Variants in NRXN3 observed in about 807,000 individuals in gnomAD.
NRXN3 encodes the protein neurexin 3, also known as neurexin III.
NRXN3 carries 32 observed loss-of-function variants against 137.6 expected under a neutral mutation model. That is an observed-to-expected ratio of 0.23 (90% CI 0.18 to 0.31). The LOEUF (loss-of-function observed/expected upper bound fraction) is 0.31, where lower values mean the gene tolerates loss of function less well. Among genes scored for constraint, NRXN3 ranks in the 10% least tolerant of loss-of-function variants. The pLI is 1.00. For missense variants in NRXN3, 1,574 were observed against 2,062.5 expected (o/e 0.76, Z 4.59); for synonymous variants, 798 against 784.5 (o/e 1.02, Z -0.29).
chr14:79,611,704 T>C (rs1244036673), intron 16 of NRXN3: 3 of 152,230 alleles, frequency 2.0e-5, no homozygotes, highest in African/African-American at 7.2e-5. Context: ...CATGAATAAA[T>C]TCCTTATCTT....
At chr14:78,476,957 T>C (rs1447541292) in intron 4 of NRXN3, among the ~76,000 whole-genome samples, 1 of 152,208 alleles carries the variant, frequency 6.6e-6, no homozygotes, top group Non-Finnish European at 1.5e-5. Context: ...CTAGTTTCCA[T>C]GCAATCTGAG....
intron 19 of NRXN3, among the ~76,000 whole-genome samples, chr14:79,787,115 C>A (rs183092835): frequency 1.3e-3 from 198 of 152,282 alleles, no homozygotes; most frequent in Middle Eastern, 3.4e-3. Flanking sequence ...TATAGTCCTG[C>A]AAATAAGAAA....
Position 79,462,594 on chromosome 14 carries a change from CACTT to C in NRXN3, c.3263-4625_3263-4622del, listed in dbSNP as rs934877821. Among the ~76,000 whole-genome samples the C allele has an allele frequency of 1.6e-4, 24 of 150,460 alleles. 1 individual carries two copies. The highest frequency in any genetic ancestry group is 6.3e-4 in the South Asian group (3 of 4,796). On this transcript the variant is annotated intron_variant, in intron 15 of 20. Transcript: ENST00000335750. ...TCTCTTAAAGAAACGATAGATCACT[CACTT>C]AATTAGCTATATATATATATACACA...
chr14:78,325,735 A>T (rs1036897399), intron 4 of NRXN3, among the ~76,000 whole-genome samples: 6 of 151,984 alleles, frequency 3.9e-5, no homozygotes, highest in African/African-American at 1.4e-4. Context: ...GCTGACCTTG[A>T]ATGAGTTGTT....
intron 4 of NRXN3, among the ~76,000 whole-genome samples, chr14:78,566,612 A>G (rs902699172): frequency 9.2e-5 from 14 of 152,170 alleles, no homozygotes; most frequent in African/African-American, 3.4e-4. Context: ...AAGGTGAAGG[A>G]GCAGCGAGCT....
intron 15 of NRXN3, among the ~76,000 whole-genome samples, chr14:79,099,300 C>G (rs2050866360): frequency 6.6e-6 from 1 of 152,044 alleles, no homozygotes; most frequent in South Asian, 2.1e-4. Context: ...CCCTAATTCT[C>G]TCACTGCACA....
intron 1 of NRXN3, among the ~76,000 whole-genome samples, chr14:78,232,579 C>T (rs1463084929): frequency 6.6e-6 from 1 of 152,168 alleles, no homozygotes; most frequent in Admixed American, 6.5e-5. Flanking sequence ...TCTCCCCTTA[C>T]CCGCTTTGTG....
chr14:78,948,090 C>T (rs1183015558), intron 10 of NRXN3, among the ~76,000 whole-genome samples: 1 of 152,122 alleles, frequency 6.6e-6, no homozygotes, highest in Non-Finnish European at 1.5e-5. Flanking sequence ...AGAGCAAAGC[C>T]TGAGACAAAG....
At chr14:78,455,843 GGGCCCAA>G (rs2094684894) in intron 4 of NRXN3, among the ~76,000 whole-genome samples, 1 of 152,110 alleles carries the variant, frequency 6.6e-6, no homozygotes, top group African/African-American at 2.4e-5. Context: ...TAGCTCCTCA[GGGCCCAA>G]GGACATCTCA....
chr14:78,281,452 T>C (rs1307212733), intron 3 of NRXN3, among the ~76,000 whole-genome samples: 2 of 152,172 alleles, frequency 1.3e-5, no homozygotes, highest in African/African-American at 4.8e-5. Context: ...GTAACCCTAC[T>C]GTAAAGCAGT....
intron 10 of NRXN3, among the ~76,000 whole-genome samples, chr14:78,944,073 G>C (rs766295048): frequency 6.6e-5 from 10 of 152,026 alleles, no homozygotes; most frequent in African/African-American, 2.2e-4. Context: ...ATAGAGATTG[G>C]CCAAATCTCT....
At chr14:78,262,700 T>G (rs773347397) in intron 2 of NRXN3, among the ~76,000 whole-genome samples, 1 of 152,186 alleles carries the variant, frequency 6.6e-6, no homozygotes, top group Non-Finnish European at 1.5e-5. Flanking sequence ...TTGATAGATC[T>G]CTGCTCTTCA....
chr14:78,824,180 G>A (rs144380003), intron 10 of NRXN3, among the ~76,000 whole-genome samples: 2,930 of 141,300 alleles, frequency 0.021, 47 homozygotes, highest in Middle Eastern at 0.064. Flanking sequence ...AGGTGAATAA[G>A]GAAGGGGTAT....
intron 15 of NRXN3, chr14:79,201,031 C>G (rs1172050587): frequency 6.6e-6 from 1 of 151,834 alleles, no homozygotes; most frequent in Non-Finnish European, 1.5e-5. Flanking sequence ...CATTTCTTCC[C>G]AGGACAATGG....
Position 78,902,256 on chromosome 14 carries a change from G to A in NRXN3, c.2276-54986G>A, listed in dbSNP as rs555316320. 9.9e-5 allele frequency among the ~76,000 whole-genome samples: 15 copies of A among 152,130 alleles called. No homozygotes were observed. In the South Asian group the frequency reaches 2.5e-3, roughly 25 times the overall value. On this transcript the variant is annotated intron_variant, in intron 10 of 20. Transcript: ENST00000335750. ...ATATAGACACGCCTCACTTTCTGTG[G>A]CCAAATTACTCCATGAAAGGAATAG...
At chr14:78,626,950 A>C (rs2097465750) in intron 4 of NRXN3, among the ~76,000 whole-genome samples, 1 of 152,188 alleles carries the variant, frequency 6.6e-6, no homozygotes, top group South Asian at 2.1e-4. Flanking sequence ...CATGGCTCTC[A>C]GATTTATTAA....
intron 15 of NRXN3, among the ~76,000 whole-genome samples, chr14:79,092,200 A>G (rs566710804): frequency 6.6e-6 from 1 of 152,330 alleles, no homozygotes; most frequent in South Asian, 2.1e-4. Context: ...TTGAAACGGG[A>G]TCACAGTTGA....
intron 1 of NRXN3, among the ~76,000 whole-genome samples, chr14:78,197,402 G>T (rs986710980): frequency 1.3e-5 from 2 of 152,206 alleles, no homozygotes; most frequent in African/African-American, 4.8e-5. Flanking sequence ...TTGCAGGTGG[G>T]CCATGGCTCC....
chr14:79,034,355 C>CACACAG (rs1157265763), intron 15 of NRXN3, among the ~76,000 whole-genome samples: 1 of 148,730 alleles, frequency 6.7e-6, no homozygotes, highest in African/African-American at 2.6e-5. Context: ...TTCTTACACA[C>CACACAG]ACACACACAC....
Sources: allele counts gnomAD v4.1 joint callset (sites outside exome capture counted in the v4.1 genomes callset), GRCh38; gene constraint gnomAD v4.1.1; transcripts MANE v1.5; gene names NCBI Gene and HGNC (gene_info 2026-07-23, HGNC 2026-07-21).